Variants in SESTD1 observed in about 807,000 individuals in gnomAD.
SESTD1 encodes the protein SEC14 domain and spectrin repeat-containing protein 1.
In SESTD1, 43 loss-of-function variants were observed where a neutral mutation model predicts 101.7. The observed-to-expected ratio is 0.42, with a 90% confidence interval of 0.33 to 0.55. SESTD1 has a LOEUF of 0.55. Among genes scored for constraint, SESTD1 ranks in the 20% least tolerant of loss-of-function variants. The pLI is 0.07. For missense variants in SESTD1, 647 were observed against 815.1 expected (o/e 0.79, Z 2.51); for synonymous variants, 283 against 286.8 (o/e 0.99, Z 0.13).
At chr2:179,231,554 C>A (rs2046988224) in intron 1 of SESTD1, among the ~76,000 whole-genome samples, 1 of 150,666 alleles carries the variant, frequency 6.6e-6, no homozygotes, top group Non-Finnish European at 1.5e-5. Context: ...GCAAAGAAAG[C>A]ACATCATAGA....
chr2:179,136,284 G>A (rs1163813608), intron 9 of SESTD1, among the ~76,000 whole-genome samples: 1 of 152,116 alleles, frequency 6.6e-6, no homozygotes, highest in African/African-American at 2.4e-5. Flanking sequence ...ACTAATAATT[G>A]TTAGCCTCTA....
At chr2:179,134,591 G>T (rs964572974) in intron 9 of SESTD1, among the ~76,000 whole-genome samples, 3 of 152,020 alleles carry the variant, frequency 2.0e-5, no homozygotes, top group Admixed American at 1.3e-4. Flanking sequence ...ATATATAGCA[G>T]TTATATATAA....
At chr2:179,252,963 C>T (rs1239743116) in intron 1 of SESTD1, among the ~76,000 whole-genome samples, 1 of 152,132 alleles carries the variant, frequency 6.6e-6, no homozygotes, top group Non-Finnish European at 1.5e-5. Flanking sequence ...AATCTGTTCT[C>T]CATCCCAAAG....
chr2:179,220,065 T>C (rs10207634), intron 1 of SESTD1, among the ~76,000 whole-genome samples: 48 of 151,818 alleles, frequency 3.2e-4, no homozygotes, highest in African/African-American at 1.0e-3. Flanking sequence ...AGAAGTCTAG[T>C]GGAACATTAA....
chr2:179,189,641 G>A (rs753281623), intron 2 of SESTD1, among the ~76,000 whole-genome samples: 3 of 152,138 alleles, frequency 2.0e-5, no homozygotes, highest in Non-Finnish European at 2.9e-5. Flanking sequence ...ATTGCTCTTC[G>A]TTGACTTTAT....
chr2:179,154,307 G>A (rs1300886508), intron 5 of SESTD1, among the ~76,000 whole-genome samples: 1 of 143,620 alleles, frequency 7.0e-6, no homozygotes, highest in Non-Finnish European at 1.5e-5. Flanking sequence ...GAGAGGGAGG[G>A]AGGGAGGGAG....
intron 1 of SESTD1, among the ~76,000 whole-genome samples, chr2:179,234,763 C>T (rs2047042051): frequency 6.6e-6 from 1 of 152,048 alleles, no homozygotes; most frequent in Admixed American, 6.6e-5. Flanking sequence ...AGCAGACAAA[C>T]TCAAATGGCA....
chr2:179,229,052 A>G (rs1002093431), intron 1 of SESTD1, among the ~76,000 whole-genome samples: 1 of 152,214 alleles, frequency 6.6e-6, no homozygotes, highest in African/African-American at 2.4e-5. Context: ...AAGGGATTTA[A>G]AAGTGCAGGG....
chr2:179,177,686 A>G (rs969620618), intron 3 of SESTD1, among the ~76,000 whole-genome samples: 4 of 152,220 alleles, frequency 2.6e-5, no homozygotes, highest in Non-Finnish European at 5.9e-5. Flanking sequence ...AAAGTAAACA[A>G]AAGAGTATTC....
At chr2:179,116,314 T>TGTATTATTATGCTAACACTAGTGTG (rs2044632308) in intron 15 of SESTD1, among the ~76,000 whole-genome samples, 1 of 151,990 alleles carries the variant, frequency 6.6e-6, no homozygotes, top group Admixed American at 6.6e-5. Context: ...AAAAAAGTTC[T>TGTATTATTATGCTAACACTAGTGTG]GTATTATTAT....
At chr2:179,151,515 T>C (rs1441425006) in intron 5 of SESTD1, 124 bp from the exon 6 acceptor site, 3 of 538,762 alleles carry the variant, frequency 5.6e-6, no homozygotes, top group African/African-American at 1.9e-5. Context: ...CACATTATCA[T>C]TTACTTAATA....
intron 1 of SESTD1, among the ~76,000 whole-genome samples, chr2:179,203,607 T>G (rs1284119731): frequency 7.4e-6 from 1 of 134,816 alleles, no homozygotes; most frequent in Non-Finnish European, 1.6e-5. Flanking sequence ...AATAGTCCAG[T>G]AATCATAAAT....
At chr2:179,154,925 C>T (rs911816668) in intron 5 of SESTD1, among the ~76,000 whole-genome samples, 5 of 152,102 alleles carry the variant, frequency 3.3e-5, no homozygotes, top group Admixed American at 6.6e-5. Flanking sequence ...AATATAACCA[C>T]AAAATTAAGC....
At chr2:179,259,792 T>G (rs2047456352) in intron 1 of SESTD1, among the ~76,000 whole-genome samples, 1 of 152,224 alleles carries the variant, frequency 6.6e-6, no homozygotes, top group Non-Finnish European at 1.5e-5. Context: ...ATGTCTTTCT[T>G]CATAACTGCC....
intron 1 of SESTD1, among the ~76,000 whole-genome samples, chr2:179,243,944 G>GTATATATA (rs750528520): frequency 8.6e-5 from 12 of 139,402 alleles, no homozygotes; most frequent in African/African-American, 3.1e-4. Context: ...ATATGTGTGT[G>GTATATATA]TATATATATA....
chr2:179,122,783 C>T (rs2044783450), intron 12 of SESTD1, among the ~76,000 whole-genome samples: 1 of 152,090 alleles, frequency 6.6e-6, no homozygotes, highest in Non-Finnish European at 1.5e-5. Context: ...GTAATCCCAG[C>T]TACTTAGGAA....
At chr2:179,192,308 A>C (rs559151560) in intron 1 of SESTD1, among the ~76,000 whole-genome samples, 6 of 152,360 alleles carry the variant, frequency 3.9e-5, no homozygotes, top group African/African-American at 1.4e-4. Context: ...TTAATTACAC[A>C]GCTTAATGCC....
In SESTD1 at chr2:179,183,139, G is replaced by T. The variant is rs778871389; in HGVS notation, c.105C>A (p.Leu35=). 1 of 1,611,816 alleles carries T rather than the reference G, an allele frequency of 6.2e-7. No homozygotes were observed. Among genetic ancestry groups the T allele is most frequent in the Non-Finnish European group, 8.5e-7 (1 of 1,178,962 alleles). Residue 35 remains leucine, a synonymous_variant, in exon 3 of 18, where the codon CTC becomes CTA. Transcript: ENST00000428443. ...TCAGCTCATCCATATTTGTCTGTTC[G>T]AGGCATAATGGAATTGTCAAAATGA... ...SGLILTIPLC[L]EQTNMDELSV...
intron 5 of SESTD1, among the ~76,000 whole-genome samples, chr2:179,158,167 C>T (rs769989266): frequency 2.0e-5 from 3 of 152,190 alleles, no homozygotes; most frequent in Non-Finnish European, 4.4e-5. Context: ...CCACTCCAAG[C>T]TTATTCCCCA....
Sources: gnomAD v4.1 joint callset for allele counts (sites outside exome capture counted in the v4.1 genomes callset) on GRCh38, gnomAD v4.1.1 for gene constraint, MANE v1.5 for transcripts, NCBI Gene and HGNC (gene_info 2026-07-23, HGNC 2026-07-21) for gene names.